SPOCK3: variants seen among roughly 807,000 people sequenced by gnomAD.
SPOCK3 encodes SPARC (osteonectin), cwcv and kazal like domains proteoglycan 3.
Under a neutral mutation model 56.6 loss-of-function variants are expected in SPOCK3, and 30 were observed. The ratio of observed to expected loss-of-function variants is 0.53; its 90% CI spans 0.40 to 0.72. SPOCK3 has a LOEUF of 0.72. Ranked by LOEUF, SPOCK3 falls within the 30% of genes least tolerant of loss-of-function variation. The probability of loss-of-function intolerance (pLI) is 0.00; values close to 1 mark genes in which losing one functional copy is unlikely to be tolerated. For missense variants in SPOCK3, 527 were observed against 530.0 expected, an observed-to-expected ratio of 0.99 and a Z score of 0.06; for synonymous variants, 196 against 183.3, an observed-to-expected ratio of 1.07 and a Z score of -0.56.
chr4:167,065,465 G>A (rs34986886), intron 2 of SPOCK3, among the ~76,000 whole-genome samples: 15,651 of 151,766 alleles, frequency 0.1, 1,055 homozygotes, highest in Middle Eastern at 0.19. Flanking sequence ...AGCTTGGTTC[G>A]TTTGGGACCA....
At chr4:166,931,989 T>C (rs1267407398) in intron 4 of SPOCK3, among the ~76,000 whole-genome samples, 1 of 152,190 alleles carries the variant, frequency 6.6e-6, no homozygotes, top group Non-Finnish European at 1.5e-5. Context: ...TCCATGAATA[T>C]AGAAATACAG....
At chr4:166,972,507 G>C (rs1259671659) in intron 4 of SPOCK3, among the ~76,000 whole-genome samples, 1 of 150,952 alleles carries the variant, frequency 6.6e-6, no homozygotes, top group Non-Finnish European at 1.5e-5. Context: ...CTCTCAGAGG[G>C]GAGAAAAAGA....
intron 2 of SPOCK3, among the ~76,000 whole-genome samples, chr4:167,222,948 T>C (rs1736144884): frequency 7.8e-6 from 1 of 127,822 alleles, no homozygotes; most frequent in South Asian, 2.3e-4. Context: ...TGTAAACATA[T>C]AATATATATT....
chr4:166,873,067 G>A (rs570876812), intron 6 of SPOCK3, among the ~76,000 whole-genome samples: 3 of 152,088 alleles, frequency 2.0e-5, no homozygotes, highest in South Asian at 4.1e-4. Flanking sequence ...TGAGGGATCT[G>A]CTGCTATGAC....
At chr4:167,066,470 A>G (rs1756145298) in intron 2 of SPOCK3, among the ~76,000 whole-genome samples, 1 of 151,918 alleles carries the variant, frequency 6.6e-6, no homozygotes, top group Non-Finnish European at 1.5e-5. Context: ...AAATAAAGAC[A>G]AATGAATCAA....
At chr4:167,029,294 G>T (rs1466544580) in intron 3 of SPOCK3, among the ~76,000 whole-genome samples, 3 of 150,720 alleles carry the variant, frequency 2.0e-5, no homozygotes, top group Non-Finnish European at 4.4e-5. Flanking sequence ...AACATTTTGG[G>T]CTTATAAAAT....
intron 5 of SPOCK3, among the ~76,000 whole-genome samples, chr4:166,899,475 A>C (rs1054475039): frequency 2.7e-5 from 4 of 149,474 alleles, no homozygotes; most frequent in Admixed American, 2.0e-4. Context: ...ACTCTAACAA[A>C]GTTTGGCATC....
intron 5 of SPOCK3, among the ~76,000 whole-genome samples, chr4:166,893,927 A>G (rs1735067018): frequency 1.3e-5 from 2 of 152,100 alleles, no homozygotes; most frequent in Admixed American, 6.6e-5. Context: ...TCTGATCCCT[A>G]TTGAATGGTG....
chr4:166,837,818 TTTCC>T (rs1746793011), intron 6 of SPOCK3, among the ~76,000 whole-genome samples: 1 of 152,188 alleles, frequency 6.6e-6, no homozygotes, highest in Admixed American at 6.5e-5. Context: ...TTCTTTCTTT[TTTCC>T]AGACTTTCCT....
At chr4:166,739,350 C>T (rs1186573339) in intron 9 of SPOCK3, among the ~76,000 whole-genome samples, 1 of 152,110 alleles carries the variant, frequency 6.6e-6, no homozygotes, top group African/African-American at 2.4e-5. Context: ...AAGTGATTCT[C>T]CTACCTCAGC....
At chr4:166,736,716 T>C (rs1042259438) in intron 10 of SPOCK3, among the ~76,000 whole-genome samples, 47 of 151,852 alleles carry the variant, frequency 3.1e-4, no homozygotes, top group Admixed American at 2.4e-3. Flanking sequence ...TGTGTGTGTG[T>C]GCGCGTGTGT....
chr4:166,814,638 G>C lies in SPOCK3; in HGVS notation c.590-22349C>G, dbSNP rs540506646. Among the ~76,000 whole-genome samples, 423 of 152,206 alleles carry C rather than the reference G, an allele frequency of 2.8e-3. 3 individuals carry two copies. The highest frequency in any genetic ancestry group is 4.9e-3 in the Non-Finnish European group (333 of 67,978). ...AATCTTGGACTTACACCAGTGGTTT[G>C]TTGGGGGCTCTCAGGCCTTTGGCCA... is the stretch of plus-strand genomic sequence containing the variant. On this transcript the variant is annotated intron_variant, in intron 6 of 10. Transcript: ENST00000357545.
At chr4:166,978,009 C>T (rs550292391) in intron 4 of SPOCK3, among the ~76,000 whole-genome samples, 50 of 152,264 alleles carry the variant, frequency 3.3e-4, no homozygotes, top group Non-Finnish European at 6.6e-4. Context: ...TCCATTGACT[C>T]TTTGAAAACA....
intron 3 of SPOCK3, among the ~76,000 whole-genome samples, chr4:167,056,276 A>G (rs183539665): frequency 8.9e-4 from 135 of 152,208 alleles, no homozygotes; most frequent in Non-Finnish European, 1.5e-3. Context: ...ACAAACAGAA[A>G]CCCATCTGTA....
chr4:167,122,430 C>A (rs1423227687), intron 2 of SPOCK3, among the ~76,000 whole-genome samples: 1 of 152,162 alleles, frequency 6.6e-6, no homozygotes. Flanking sequence ...TTCAATTGTA[C>A]ATTTGTTTTG....
At chr4:166,743,995 C>T (rs1256651423) in intron 8 of SPOCK3, among the ~76,000 whole-genome samples, 4 of 152,176 alleles carry the variant, frequency 2.6e-5, no homozygotes, top group Admixed American at 6.5e-5. Flanking sequence ...CTCAAGGAGG[C>T]CTCCCTGCCT....
intron 2 of SPOCK3, among the ~76,000 whole-genome samples, chr4:167,147,490 G>C (rs546098449): frequency 1.3e-5 from 2 of 152,104 alleles, no homozygotes; most frequent in African/African-American, 4.8e-5. Flanking sequence ...ATATCATTCT[G>C]CTATAAAGAC....
intron 3 of SPOCK3, among the ~76,000 whole-genome samples, chr4:167,012,605 T>C (rs936279042): frequency 6.6e-6 from 1 of 151,870 alleles, no homozygotes; most frequent in Non-Finnish European, 1.5e-5. Flanking sequence ...AGCAGATGAA[T>C]AGTAAAACTC....
chr4:166,939,296 T>G lies in SPOCK3; in HGVS notation c.351-26553A>C, dbSNP rs181668247. Among the ~76,000 whole-genome samples, 25 of 152,232 alleles carry G rather than the reference T, an allele frequency of 1.6e-4. 1 individual carries two copies. In the East Asian group the frequency reaches 4.8e-3, roughly 29 times the overall value. On this transcript the variant is annotated intron_variant, in intron 4 of 10. Transcript: ENST00000357545. ...CATACCCATAACTTGGATTCATTCT[T>G]TTTTTTCATTTATTCTTTCCATACA... is the stretch of plus-strand genomic sequence containing the variant.
Sources: allele counts gnomAD v4.1 joint callset (sites outside exome capture counted in the v4.1 genomes callset), GRCh38; gene constraint gnomAD v4.1.1; transcripts MANE v1.5; gene names NCBI Gene and HGNC (gene_info 2026-07-23, HGNC 2026-07-21).